The following NPAS3 variants were observed in gnomAD, a reference collection of about 807,000 sequenced individuals.
The protein encoded by NPAS3 is neuronal PAS domain protein 3.
NPAS3 carries 14 observed loss-of-function variants against 73.1 expected under a neutral mutation model. The ratio of observed to expected loss-of-function variants is 0.19; its 90% CI spans 0.13 to 0.30. The LOEUF (loss-of-function observed/expected upper bound fraction) is 0.30. Ranked by LOEUF, NPAS3 falls within the 10% of genes least tolerant of loss-of-function variation. The pLI is 1.00. For synonymous variants in NPAS3, 620 were observed against 541.5 expected (o/e 1.14, Z -2.01); for missense variants, 1,096 against 1,250.0 (o/e 0.88, Z 1.86).
At chr14:33,450,265 G>A (rs988995405) in intron 4 of NPAS3, among the ~76,000 whole-genome samples, 4 of 152,156 alleles carry the variant, frequency 2.6e-5, no homozygotes, top group Admixed American at 1.3e-4. Context: ...AAACTGAGCC[G>A]CAGTAGGTGC....
chr14:33,063,703 C>G (rs1165135230), intron 2 of NPAS3, among the ~76,000 whole-genome samples: 1 of 152,190 alleles, frequency 6.6e-6, no homozygotes, highest in Non-Finnish European at 1.5e-5. Flanking sequence ...TATTTACAAT[C>G]TGGCCATTTA....
intron 5 of NPAS3, among the ~76,000 whole-genome samples, chr14:33,570,531 C>A (rs943663331): frequency 3.3e-5 from 5 of 152,134 alleles, no homozygotes; most frequent in African/African-American, 1.2e-4. Flanking sequence ...ATAATTTTTC[C>A]GGCTCATTAA....
intron 6 of NPAS3, among the ~76,000 whole-genome samples, chr14:33,700,619 G>C (rs955646191): frequency 6.6e-6 from 1 of 152,104 alleles, no homozygotes; most frequent in African/African-American, 2.4e-5. Context: ...GATTTTATTC[G>C]TTCTTTGATT....
chr14:33,275,444 AGC>A (rs2041286003), intron 3 of NPAS3, among the ~76,000 whole-genome samples: 1 of 152,244 alleles, frequency 6.6e-6, no homozygotes, highest in Non-Finnish European at 1.5e-5. Flanking sequence ...TATAAAATGT[AGC>A]CCACCACTTT....
At chr14:33,179,665 G>A (rs1360409735) in intron 2 of NPAS3, among the ~76,000 whole-genome samples, 1 of 152,074 alleles carries the variant, frequency 6.6e-6, no homozygotes, top group Admixed American at 6.5e-5. Context: ...ACACTGCAAA[G>A]GAGGAATAAT....
intron 4 of NPAS3, among the ~76,000 whole-genome samples, chr14:33,379,992 G>GTGTGTGTGTGTA (rs1318083476): frequency 6.6e-6 from 1 of 151,336 alleles, no homozygotes; most frequent in African/African-American, 2.4e-5. Context: ...GTGTGTGTGT[G>GTGTGTGTGTGTA]TGTGTGTGTG....
chr14:33,606,017 T>C (rs907186771), intron 5 of NPAS3, among the ~76,000 whole-genome samples: 1 of 152,126 alleles, frequency 6.6e-6, no homozygotes, highest in African/African-American at 2.4e-5. Flanking sequence ...GGCATAATAT[T>C]TGACAAGTAT....
chr14:33,235,805 C>CTTTTTTTTGTTTTTTT (rs2048013204), intron 3 of NPAS3, among the ~76,000 whole-genome samples: 1 of 80,630 alleles, frequency 1.2e-5, no homozygotes, highest in African/African-American at 5.0e-5. Context: ...TGATACAATT[C>CTTTTTTTTGTTTTTTT]TTTTTTTTTT....
chr14:33,261,158 G>A lies in NPAS3; in HGVS notation c.385+45732G>A, dbSNP rs116755825. ...GTCAAATACCACCTCTTCAGTGAAC[G>A]TTTTGTCTGTTGATTCTCTGTAGAC... On this transcript the variant is annotated intron_variant, in intron 3 of 11. Transcript: ENST00000356141. Among the ~76,000 whole-genome samples the A allele has an allele frequency of 5.6e-3, 851 of 152,142 alleles. 4 individuals are homozygous for A. The highest frequency in any genetic ancestry group is 0.019 in the African/African-American group (792 of 41,504).
chr14:33,525,289 G>A (rs1255436078), intron 4 of NPAS3, among the ~76,000 whole-genome samples: 1 of 152,110 alleles, frequency 6.6e-6, no homozygotes, highest in Non-Finnish European at 1.5e-5. Flanking sequence ...TCTTAGCATG[G>A]AAACAAAATC....
At chr14:33,788,973 T>C (rs183364996) in intron 9 of NPAS3, among the ~76,000 whole-genome samples, 43 of 120,128 alleles carry the variant, frequency 3.6e-4, no homozygotes, top group Middle Eastern at 4.4e-3. Flanking sequence ...CATCCAGTCT[T>C]GGTGGGGGTG....
chr14:33,635,324 G>C (rs566860753), intron 5 of NPAS3, among the ~76,000 whole-genome samples: 1 of 152,288 alleles, frequency 6.6e-6, no homozygotes, highest in Admixed American at 6.5e-5. Flanking sequence ...AGATTACAGA[G>C]AGTTGTCGAT....
chr14:33,468,471 C>A (rs1182621019), intron 4 of NPAS3, among the ~76,000 whole-genome samples: 1 of 152,174 alleles, frequency 6.6e-6, no homozygotes, highest in African/African-American at 2.4e-5. Flanking sequence ...TACATTTATT[C>A]TTTGGAGGGT....
chr14:33,528,055 C>G (rs1216025330), intron 4 of NPAS3, among the ~76,000 whole-genome samples: 1 of 152,064 alleles, frequency 6.6e-6, no homozygotes, highest in Non-Finnish European at 1.5e-5. Context: ...AAATTCTCTT[C>G]CATAGAATTA....
intron 4 of NPAS3, among the ~76,000 whole-genome samples, chr14:33,546,372 C>T (rs1041706872): frequency 1.3e-5 from 2 of 152,204 alleles, no homozygotes; most frequent in African/African-American, 4.8e-5. Flanking sequence ...CACCCTGTAG[C>T]TAAGTGTTTA....
At chr14:33,385,243 TG>T (rs1178195064) in intron 4 of NPAS3, among the ~76,000 whole-genome samples, 2 of 151,458 alleles carry the variant, frequency 1.3e-5, no homozygotes, top group Admixed American at 6.6e-5. Context: ...TTTGCCTTTT[TG>T]GGGGGTAGGT....
intron 2 of NPAS3, among the ~76,000 whole-genome samples, chr14:33,077,774 G>GTTTTCTTTTT (rs1555333250): frequency 1.1e-5 from 1 of 87,470 alleles, no homozygotes; most frequent in Non-Finnish European, 2.3e-5. Flanking sequence ...TGCAGTAAGG[G>GTTTTCTTTTT]TTTTTTTTTT....
chr14:33,693,637 T>C (rs1020811207), intron 6 of NPAS3, among the ~76,000 whole-genome samples: 3 of 152,296 alleles, frequency 2.0e-5, no homozygotes, highest in Non-Finnish European at 4.4e-5. Context: ...ATTATCTCTT[T>C]TGCCAAAGAG....
chr14:33,289,672 A>C (rs1463726911), intron 3 of NPAS3, among the ~76,000 whole-genome samples: 1 of 152,032 alleles, frequency 6.6e-6, no homozygotes, highest in Non-Finnish European at 1.5e-5. Context: ...AATACAAAAA[A>C]TTAGCCGGGC....
Sources: gnomAD v4.1 joint callset for allele counts (sites outside exome capture counted in the v4.1 genomes callset) on GRCh38, gnomAD v4.1.1 for gene constraint, MANE v1.5 for transcripts, NCBI Gene and HGNC (gene_info 2026-07-23, HGNC 2026-07-21) for gene names.